The following XPR1 variants were observed in gnomAD, a reference collection of about 807,000 sequenced individuals.
XPR1 encodes xenotropic and polytropic retrovirus receptor 1.
Under a neutral mutation model 87.5 loss-of-function variants are expected in XPR1, and 28 were observed. That is an observed-to-expected ratio of 0.32 (90% CI 0.24 to 0.44). XPR1 has a LOEUF of 0.44. XPR1 is among the 20% of genes least tolerant of loss of function. The probability of loss-of-function intolerance (pLI) is 1.00; values close to 1 mark genes in which losing one functional copy is unlikely to be tolerated. For synonymous variants in XPR1, 300 were observed against 306.1 expected (o/e 0.98, Z 0.21); for missense variants, 559 against 862.3 (o/e 0.65, Z 4.41).
At chr1:180,678,538 A>G (rs1269976068) in intron 1 of XPR1, among the ~76,000 whole-genome samples, 1 of 152,228 alleles carries the variant, frequency 6.6e-6, no homozygotes, top group African/African-American at 2.4e-5. Flanking sequence ...ATTCTGTATA[A>G]GTAGTGAATA....
intron 3 of XPR1, among the ~76,000 whole-genome samples, chr1:180,798,418 GA>G (rs1390441414): frequency 6.6e-6 from 1 of 152,086 alleles, no homozygotes; most frequent in Non-Finnish European, 1.5e-5. Context: ...ATAAAGAGAA[GA>G]AAATATGAGA....
intron 3 of XPR1, among the ~76,000 whole-genome samples, chr1:180,801,168 T>C (rs189205799): frequency 1.3e-3 from 193 of 152,350 alleles, no homozygotes; most frequent in African/African-American, 4.5e-3. Flanking sequence ...TGAATGTGCA[T>C]TGCAATCAGG....
chr1:180,847,851 T>G (rs1351389999), intron 11 of XPR1, among the ~76,000 whole-genome samples: 1 of 152,192 alleles, frequency 6.6e-6, no homozygotes, highest in African/African-American at 2.4e-5. Flanking sequence ...GTCTTTGAAG[T>G]GTCAGACCAC....
chr1:180,808,443 G>A (rs1650082266), intron 6 of XPR1, among the ~76,000 whole-genome samples: 1 of 152,046 alleles, frequency 6.6e-6, no homozygotes, highest in South Asian at 2.1e-4. Flanking sequence ...TCTTAGAAAT[G>A]ACACCAAAAG....
chr1:180,683,220 GT>G (rs1449559016), intron 2 of XPR1, among the ~76,000 whole-genome samples: 1 of 151,122 alleles, frequency 6.6e-6, no homozygotes, highest in Admixed American at 6.6e-5. Context: ...GTGGTGTTTG[GT>G]TTTTTGTCCT....
chr1:180,719,957 G>T (rs772871185), intron 2 of XPR1, among the ~76,000 whole-genome samples: 5 of 152,152 alleles, frequency 3.3e-5, no homozygotes, highest in African/African-American at 1.2e-4. Flanking sequence ...GCTCTGTCTA[G>T]TAGACCAAAA....
intron 2 of XPR1, among the ~76,000 whole-genome samples, chr1:180,754,410 A>G (rs537825939): frequency 5.3e-5 from 8 of 152,258 alleles, no homozygotes; most frequent in Admixed American, 1.3e-4. Context: ...ATACAGAATG[A>G]TATGAAACCC....
At chr1:180,849,981 GA>G (rs1057145990) in intron 11 of XPR1, among the ~76,000 whole-genome samples, 3 of 152,184 alleles carry the variant, frequency 2.0e-5, no homozygotes, top group African/African-American at 4.8e-5. Context: ...TTATTCTGCT[GA>G]AAGTCATTAG....
At chr1:180,861,337 TAA>T (rs1046015277) in intron 11 of XPR1, among the ~76,000 whole-genome samples, 7 of 152,106 alleles carry the variant, frequency 4.6e-5, no homozygotes, top group African/African-American at 1.4e-4. Flanking sequence ...TGAATTTTAC[TAA>T]GTTGCCAAAT....
chr1:180,701,973 TG>T (rs1396004058), intron 2 of XPR1, among the ~76,000 whole-genome samples: 1 of 98,742 alleles, frequency 1.0e-5, no homozygotes, highest in Non-Finnish European at 1.9e-5. Context: ...TCTTGCCTTC[TG>T]CTAGCTTTTG....
At chr1:180,876,054 G>A (rs1009631584) in intron 13 of XPR1, among the ~76,000 whole-genome samples, 1 of 151,836 alleles carries the variant, frequency 6.6e-6, no homozygotes, top group African/African-American at 2.4e-5. Context: ...CAAAGAAAAC[G>A]CCAGGCCCAG....
At chr1:180,785,011 TTG>T (rs1186269708) in intron 2 of XPR1, among the ~76,000 whole-genome samples, 6,499 of 136,344 alleles carry the variant, frequency 0.048, 235 homozygotes, top group African/African-American at 0.09. Flanking sequence ...GTGTGTGTGT[TTG>T]TGTGTGTGTG....
At chr1:180,795,267 C>A (rs981397574) in intron 3 of XPR1, among the ~76,000 whole-genome samples, 1 of 152,056 alleles carries the variant, frequency 6.6e-6, no homozygotes, top group Non-Finnish European at 1.5e-5. Flanking sequence ...AGTAAAAGAA[C>A]GATGAATTTG....
rs1423287248 is a variant in XPR1 at position 180,834,876 on chromosome 1, T to A, written c.1137T>A (p.Phe379Leu). Reference sequence around the variant, plus strand: ...TTCTGATTTTTTTTTTCTTTCAGTTTCGAGTATTTACAGCCCCCTTCCATA... The same window carrying A: ...TTCTGATTTTTTTTTTCTTTCAGTTACGAGTATTTACAGCCCCCTTCCATA... Reference protein sequence around the residue: ...KSRFWLLKLLFRVFTAPFHKV... With the variant: ...KSRFWLLKLLLRVFTAPFHKV... The change falls in exon 10 of 15, where the codon TTT becomes TTA. Residue 379 changes from phenylalanine to leucine, a missense_variant and splice_region_variant. By Grantham distance (22) the Phe-to-Leu change is conservative. Coordinates refer to ENST00000367590, the MANE Select transcript of XPR1 (RefSeq NM_004736.4). The A allele has an allele frequency of 1.3e-6, 2 of 1,593,990 alleles. No individual in the cohort carries two copies. The highest frequency in any genetic ancestry group is 3.7e-5 in the Admixed American group (2 of 54,544).
intron 13 of XPR1, among the ~76,000 whole-genome samples, chr1:180,878,662 G>A (rs999549335): frequency 6.6e-6 from 1 of 152,146 alleles, no homozygotes; most frequent in Non-Finnish European, 1.5e-5. Context: ...TTTGAATCTA[G>A]ACAGTCTCCC....
chr1:180,811,601 T>C, intron 7 of XPR1, 113 bp downstream of exon 7: 2 of 811,850 alleles, frequency 2.5e-6, no homozygotes, highest in Admixed American at 6.1e-5. Flanking sequence ...AAGATAAATC[T>C]ATCAGGGCTA....
intron 2 of XPR1, among the ~76,000 whole-genome samples, chr1:180,775,272 A>G (rs1414911437): frequency 6.6e-6 from 1 of 152,156 alleles, no homozygotes; most frequent in Non-Finnish European, 1.5e-5. Flanking sequence ...TGTTTTACTC[A>G]TCTTTGCAAC....
At chr1:180,821,055 AT>A (rs1650611611) in intron 7 of XPR1, among the ~76,000 whole-genome samples, 1 of 149,886 alleles carries the variant, frequency 6.7e-6, no homozygotes, top group Admixed American at 6.6e-5. Flanking sequence ...TTAAATTTTG[AT>A]GAAGTCTCAT....
In XPR1 at chr1:180,836,475, AG is replaced by A. The variant is rs758591866; in HGVS notation, c.1307-46del. 2.5e-6 allele frequency: 4 copies of A among 1,608,178 alleles called. No individual in the cohort carries two copies. The Admixed American group carries it at 6.7e-5, about 27-fold the overall frequency. On this transcript the variant is annotated intron_variant, in intron 10 of 14. Transcript: ENST00000367590. Reference sequence around the variant, plus strand: ...ACTATATGGCTAAATGATGTGAACAAGTTACTTTTTTTCAATGGTAATTTTT... The same window carrying A: ...ACTATATGGCTAAATGATGTGAACAATTACTTTTTTTCAATGGTAATTTTT...
Sources: allele counts gnomAD v4.1 joint callset (sites outside exome capture counted in the v4.1 genomes callset), GRCh38; gene constraint gnomAD v4.1.1; transcripts MANE v1.5; gene names NCBI Gene and HGNC (gene_info 2026-07-23, HGNC 2026-07-21).